Variants in FRS2 observed in about 807,000 individuals in gnomAD.
FRS2 encodes the protein fibroblast growth factor receptor substrate 2.
FRS2 carries 8 observed loss-of-function variants against 43.9 expected under a neutral mutation model. The ratio of observed to expected loss-of-function variants is 0.18; its 90% confidence interval spans 0.11 to 0.33. FRS2 has a LOEUF of 0.33. FRS2 is among the 10% of genes least tolerant of loss of function. The probability of loss-of-function intolerance (pLI) is 1.00; values close to 1 mark genes in which losing one functional copy is unlikely to be tolerated. For synonymous variants in FRS2, 219 were observed against 220.3 expected (o/e 0.99, Z 0.05); for missense variants, 534 against 627.6 (o/e 0.85, Z 1.59).
At chr12:69,476,771 T>TGGGGGGTG (rs1350672745) in intron 1 of FRS2, among the ~76,000 whole-genome samples, 1 of 75,100 alleles carries the variant, frequency 1.3e-5, no homozygotes, top group Non-Finnish European at 2.7e-5. Flanking sequence ...GGTGTGGGGG[T>TGGGGGGTG]GGGGAACTTA....
intron 1 of FRS2, among the ~76,000 whole-genome samples, chr12:69,526,108 C>T (rs1488599773): frequency 2.0e-5 from 3 of 152,210 alleles, no homozygotes; most frequent in Non-Finnish European, 4.4e-5. Context: ...CTGCTGACCT[C>T]GGCCTCCCAA....
chr12:69,539,725 G>A (rs1409452372), intron 3 of FRS2, among the ~76,000 whole-genome samples: 4 of 152,078 alleles, frequency 2.6e-5, no homozygotes, highest in African/African-American at 9.7e-5. Context: ...GGAGGCCAAG[G>A]CGGGCAAATC....
chr12:69,549,497 A>ATTT (rs1173649169), intron 3 of FRS2, among the ~76,000 whole-genome samples: 2 of 152,226 alleles, frequency 1.3e-5, no homozygotes, highest in Admixed American at 1.3e-4. Context: ...TATTTAATTC[A>ATTT]TTTTGTTTTT....
At chr12:69,556,345 C>CTTTCT (rs1555192321) in intron 3 of FRS2, among the ~76,000 whole-genome samples, 27 of 146,564 alleles carry the variant, frequency 1.8e-4, no homozygotes, top group South Asian at 1.3e-3. Context: ...TTCTTTCTTT[C>CTTTCT]TTTTTTTTTT....
intron 3 of FRS2, among the ~76,000 whole-genome samples, chr12:69,555,030 AT>A (rs200772390): frequency 2.7e-5 from 4 of 149,258 alleles, no homozygotes; most frequent in African/African-American, 7.4e-5. Flanking sequence ...TTTTAATAAT[AT>A]TTTTTTTTAC....
chr12:69,528,608 A>C (rs1156942155), intron 1 of FRS2, among the ~76,000 whole-genome samples: 1 of 152,226 alleles, frequency 6.6e-6, no homozygotes, highest in Non-Finnish European at 1.5e-5. Flanking sequence ...CGGGAACTTA[A>C]GAATCTTTTA....
intron 8 of FRS2, among the ~76,000 whole-genome samples, chr12:69,573,187 G>C (rs984042565): frequency 6.6e-6 from 1 of 152,148 alleles, no homozygotes; most frequent in Non-Finnish European, 1.5e-5. Context: ...TTTCTAAATA[G>C]TGATAATTTC....
At chr12:69,542,946 A>T (rs1878048542) in intron 3 of FRS2, among the ~76,000 whole-genome samples, 1 of 152,216 alleles carries the variant, frequency 6.6e-6, no homozygotes, top group Non-Finnish European at 1.5e-5. Flanking sequence ...TTAGGCAGTT[A>T]ACTTACCTAG....
intron 1 of FRS2, among the ~76,000 whole-genome samples, chr12:69,519,947 A>G (rs974401548): frequency 9.9e-5 from 15 of 152,204 alleles, no homozygotes; most frequent in African/African-American, 3.6e-4. Context: ...GCTGGATTGA[A>G]TGGTAGTTCT....
intron 1 of FRS2, among the ~76,000 whole-genome samples, chr12:69,489,503 C>A (rs1002834773): frequency 2.0e-5 from 3 of 151,954 alleles, no homozygotes; most frequent in African/African-American, 7.2e-5. Context: ...AATGCCGTCT[C>A]TACTAAAAAT....
intron 3 of FRS2, among the ~76,000 whole-genome samples, chr12:69,554,452 A>G (rs868317782): frequency 7.9e-5 from 12 of 152,322 alleles, no homozygotes; most frequent in African/African-American, 2.4e-4. Flanking sequence ...GTGAAGAGCA[A>G]CTTTTAAAAT....
At chr12:69,535,020 A>G (rs760427374) in intron 3 of FRS2, among the ~76,000 whole-genome samples, 9 of 152,120 alleles carry the variant, frequency 5.9e-5, no homozygotes, top group African/African-American at 2.2e-4. Flanking sequence ...TGTTCCTTGT[A>G]ATTGTGTATT....
chr12:69,567,241 T>C (rs2135796391), intron 4 of FRS2, among the ~76,000 whole-genome samples: 1 of 152,334 alleles, frequency 6.6e-6, no homozygotes, highest in South Asian at 2.1e-4. Context: ...TATGTGTCCT[T>C]GTACTATGAT....
intron 1 of FRS2, among the ~76,000 whole-genome samples, chr12:69,509,585 A>G (rs960201375): frequency 1.3e-5 from 2 of 152,190 alleles, no homozygotes; most frequent in Admixed American, 6.5e-5. Flanking sequence ...CCCATTAAGC[A>G]GTAACTCCCC....
At chr12:69,572,402 T>G in intron 8 of FRS2, 121 bp downstream of exon 8, 3 of 770,784 alleles carry the variant, frequency 3.9e-6, no homozygotes, top group Non-Finnish European at 6.3e-6. Context: ...AAATTACTTT[T>G]GTAGTGAACA....
intron 1 of FRS2, among the ~76,000 whole-genome samples, chr12:69,496,098 G>T (rs1872862991): frequency 6.6e-6 from 1 of 151,962 alleles, no homozygotes; most frequent in African/African-American, 2.4e-5. Flanking sequence ...TTGATAAATG[G>T]TCAAAACTCT....
intron 1 of FRS2, among the ~76,000 whole-genome samples, chr12:69,493,309 G>A (rs1221259999): frequency 6.6e-6 from 1 of 152,178 alleles, no homozygotes; most frequent in Admixed American, 6.5e-5. Context: ...TGTCTCAGAC[G>A]ATTTATGGAT....
intron 1 of FRS2, 88 bp downstream of exon 1, chr12:69,470,618 G>C (rs1304963888): frequency 2.8e-6 from 1 of 354,120 alleles, no homozygotes; most frequent in Non-Finnish European, 4.7e-6. Context: ...TTCGGGATCC[G>C]GGCTGAGGGC....
chr12:69,513,494 A>T (rs1874672868), intron 1 of FRS2, among the ~76,000 whole-genome samples: 1 of 152,190 alleles, frequency 6.6e-6, no homozygotes, highest in South Asian at 2.1e-4. Flanking sequence ...AACATTCTGA[A>T]CACTGGAAAA....
Sources: gnomAD v4.1 joint callset for allele counts (sites outside exome capture counted in the v4.1 genomes callset) on GRCh38, gnomAD v4.1.1 for gene constraint, MANE v1.5 for transcripts, NCBI Gene and HGNC (gene_info 2026-07-23, HGNC 2026-07-21) for gene names.